DUOX1: variants seen among roughly 807,000 people sequenced by gnomAD.
DUOX1 encodes the protein NADPH thyroid oxidase 1.
In DUOX1, 134 loss-of-function variants were observed where a neutral mutation model predicts 181.8. That is an observed-to-expected ratio of 0.74 (90% CI 0.64 to 0.85). The LOEUF is 0.85. Among genes scored for constraint, DUOX1 ranks in the 40% least tolerant of loss-of-function variants. DUOX1 has a pLI of 0.00. For missense variants in DUOX1, 1,814 were observed against 2,064.4 expected (o/e 0.88, Z 2.35); for synonymous variants, 798 against 832.5 (o/e 0.96, Z 0.71).
intron 21 of DUOX1, among the ~76,000 whole-genome samples, chr15:45,149,227 G>T (rs1244217293): frequency 6.6e-6 from 1 of 152,214 alleles, no homozygotes; most frequent in Non-Finnish European, 1.5e-5. Context: ...ACAGGGAAGA[G>T]GGGCAAGTTA....
chr15:45,140,865 T>C, intron 12 of DUOX1, 30 bp from the exon 13 acceptor site: 1 of 1,609,058 alleles, frequency 6.2e-7, no homozygotes, highest in Non-Finnish European at 8.5e-7. Flanking sequence ...CCGTGTCCTT[T>C]CTCTTACTTC....
At position 45,152,430 on chromosome 15, in the gene DUOX1, G is replaced by A. The variant is rs774381100; in HGVS notation, c.3338G>A (p.Arg1113Gln). The A allele has an allele frequency of 6.2e-7, 1 of 1,614,170 alleles. No homozygotes were observed. The highest frequency in any genetic ancestry group is 8.5e-7 in the Non-Finnish European group (1 of 1,180,024). ...TMCRNLITFLRETFLNRYVPF... is the reference protein window; with the variant it reads ...TMCRNLITFLQETFLNRYVPF... ...TGCCGCAACCTCATCACCTTCCTGC[G>A]AGAAACCTTCCTCAACCGCTACGTG... The change falls in exon 25 of 34, where the codon CGA becomes CAA. Residue 1113 changes from arginine (R) to glutamine (Q), a missense_variant. Physicochemically the swap from Arg to Gln is conservative, Grantham distance 43 (BLOSUM62 1). This residue lies in a region of DUOX1 where 1,064 missense variants were observed against 1,152.9 expected (regional missense o/e 0.92). Transcript: ENST00000389037.
Position 45,151,217 on chromosome 15 carries a change from C to G in DUOX1, c.2983C>G (p.Pro995Ala), listed in dbSNP as rs748344952. The G allele has an allele frequency of 3.1e-6, 5 of 1,614,040 alleles. No individual in the cohort carries two copies. The highest frequency in any genetic ancestry group is 4.2e-6 in the Non-Finnish European group (5 of 1,180,020). ...RLQCPMDTDP[P>A]QEIRRRFGKK... ...GCAGTGCCCCATGGACACAGACCCT[C>G]CCCAGGAGATTCGGCGGAGGTTTGG... The change falls in exon 23 of 34, where the codon CCC (proline) becomes GCC (alanine). Residue 995 changes from proline to alanine, a missense_variant. This residue lies in a region of DUOX1 where 1,064 missense variants were observed against 1,152.9 expected (regional missense o/e 0.92). Transcript: ENST00000389037.
At chr15:45,164,699 G>C in intron 33 of DUOX1, 80 bp from the exon 34 acceptor site, 1 of 1,533,678 alleles carries the variant, frequency 6.5e-7, no homozygotes, top group South Asian at 1.1e-5. Flanking sequence ...TTGAACTAGG[G>C]AGCTACCCCT....
chr15:45,159,938 C>T (rs1194175316), intron 28 of DUOX1, among the ~76,000 whole-genome samples: 7 of 152,036 alleles, frequency 4.6e-5, no homozygotes, highest in Admixed American at 2.6e-4. Flanking sequence ...GCAAATCATT[C>T]GAGGTCAGTT....
rs749714955 is a variant in DUOX1, at chr15:45,131,955, A to G, written c.-12A>G. ...GGGACATTCTAATCCCTGAGCCCCT[A>G]TTATTTTCATCATGGGCTTCTGCCT... is the stretch of plus-strand genomic sequence containing the variant. On this transcript the variant is annotated 5_prime_UTR_variant, in exon 2 of 34. Coordinates refer to ENST00000389037, the MANE Select transcript of DUOX1 (RefSeq NM_175940.3). 1.2e-6 allele frequency: 2 copies of G among 1,613,972 alleles called. No homozygotes were observed. Among genetic ancestry groups the G allele is most frequent in the South Asian group, 2.2e-5 (2 of 91,070 alleles).
At chr15:45,145,142 A>G (rs949750411) in intron 18 of DUOX1, 62 bp downstream of exon 18, 4 of 1,425,528 alleles carry the variant, frequency 2.8e-6, no homozygotes, top group East Asian at 2.4e-5. Flanking sequence ...GCATGAGGCC[A>G]TGGGGTGACT....
chr15:45,137,686 T>C (rs1191171813), intron 9 of DUOX1, among the ~76,000 whole-genome samples: 1 of 151,768 alleles, frequency 6.6e-6, no homozygotes, highest in Non-Finnish European at 1.5e-5. Flanking sequence ...TGAGAGAGAG[T>C]CAGAGAGAGA....
chr15:45,135,768 C>T lies in DUOX1; in HGVS notation c.698-14C>T, dbSNP rs1232137873. 7.0e-7 allele frequency: 1 copy of T among 1,434,802 alleles called. No individual in the cohort carries two copies. The highest frequency in any genetic ancestry group is 2.5e-5 in the Admixed American group (1 of 40,370). The allele number at this position is 1,434,802 out of a possible 1,614,324, so 88.9% of individuals were successfully genotyped here. ...CCGCTCGTCTCCTCCCCTGCGCCCC[C>T]ACGTCGGATGCAGCCTTCGGGGCAG... On this transcript the variant is annotated splice_polypyrimidine_tract_variant and intron_variant, in intron 6 of 33. Transcript: ENST00000389037.
chr15:45,149,212 C>A (rs34378704), intron 21 of DUOX1, among the ~76,000 whole-genome samples: 24,655 of 152,180 alleles, frequency 0.16, 1,977 homozygotes, highest in Middle Eastern at 0.19. Context: ...GGCTGAGCAG[C>A]CTCCACAGGG....
chr15:45,142,252 G>A, intron 15 of DUOX1, 140 bp downstream of exon 15: 2 of 1,028,966 alleles, frequency 1.9e-6, no homozygotes, highest in Non-Finnish European at 2.8e-6. Flanking sequence ...CATTAGAGGA[G>A]GAAGGGACAA....
Position 45,152,437 on chromosome 15 carries a change from C to T in DUOX1, c.3345C>T (p.Thr1115=), listed in dbSNP as rs1896840526. Residue 1115 remains threonine, a synonymous_variant, in exon 25 of 34, where the codon ACC becomes ACT. Transcript: ENST00000389037. Reference sequence around the variant, plus strand: ...ACCTCATCACCTTCCTGCGAGAAACCTTCCTCAACCGCTACGTGCCCTTCG... The same window carrying T: ...ACCTCATCACCTTCCTGCGAGAAACTTTCCTCAACCGCTACGTGCCCTTCG... The part of the protein sequence containing the change: ...CRNLITFLRE[T]FLNRYVPFDA... 6 of 1,614,114 alleles carry T rather than the reference C, an allele frequency of 3.7e-6. No individual in the cohort carries two copies. The highest frequency in any genetic ancestry group is 5.1e-6 in the Non-Finnish European group (6 of 1,180,044).
rs2141309476 is a variant in DUOX1, at chr15:45,161,728, C to G, written c.3857-10C>G. On this transcript the variant is annotated splice_polypyrimidine_tract_variant and intron_variant, in intron 29 of 33. Transcript: ENST00000389037. Reference sequence around the variant, plus strand: ...AGGGCAGCAGCTTCTCACCCACCATCCCTCCCCAGGAGTGACCCACCTGCG... The same window carrying G: ...AGGGCAGCAGCTTCTCACCCACCATGCCTCCCCAGGAGTGACCCACCTGCG... 1.2e-6 allele frequency: 2 copies of G among 1,612,318 alleles called. No homozygotes were observed. The highest frequency in any genetic ancestry group is 4.5e-5 in the East Asian group (2 of 44,854).
chr15:45,152,515 A>C lies in DUOX1; in HGVS notation c.3423A>C (p.Thr1141=). 1.2e-6 allele frequency: 2 copies of C among 1,613,666 alleles called. No homozygotes were observed. The highest frequency in any genetic ancestry group is 1.7e-5 in the Admixed American group (1 of 60,006). ...RLIASTAIVL[T]VLHSVGHVVN... ...TTGCCTCCACCGCCATCGTCCTCAC[A>C]GGCAGGGCCTGGGTGTCCCTGGGAG... The change falls in exon 25 of 34, where the codon ACA becomes ACC. Residue 1141 remains threonine, a splice_region_variant and synonymous_variant. Coordinates refer to ENST00000389037, the MANE Select transcript of DUOX1 (RefSeq NM_175940.3).
At chr15:45,137,842 T>C in intron 9 of DUOX1, 82 bp from the exon 10 acceptor site, 1 of 1,123,926 alleles carries the variant, frequency 8.9e-7, no homozygotes, top group Non-Finnish European at 1.3e-6. Context: ...GGTCCCTGGA[T>C]ACCGCCTCAG....
chr15:45,163,777 T>C lies in DUOX1; in HGVS notation c.4405-13T>C. The C allele has an allele frequency of 6.2e-7, 1 of 1,613,956 alleles. No homozygotes were observed. The highest frequency in any genetic ancestry group is 1.3e-5 in the African/African-American group (1 of 75,038). On this transcript the variant is annotated splice_polypyrimidine_tract_variant and intron_variant, in intron 32 of 33. Transcript: ENST00000389037. ...TGCCTGGCTGAACTTTGTTCCACCC[T>C]TCCCTACCATAGTACATCTGTGAGC...
At chr15:45,135,698 G>C in intron 6 of DUOX1, 23 bp downstream of exon 6, 1 of 1,446,442 alleles carries the variant, frequency 6.9e-7, no homozygotes, top group Non-Finnish European at 9.1e-7. Flanking sequence ...GGGCGGGACG[G>C]GGCCGGCTGG....
Position 45,141,075 on chromosome 15 carries a change from G to A in DUOX1, c.1565+5G>A. 6.2e-7 allele frequency: 1 copy of A among 1,614,232 alleles called. No individual in the cohort carries two copies. ...GTTTGAGAACACCAGGAATGGGTAAGGCGTGCTGGGCCTCCGCCTCAGGCT... is the reference window on the plus strand; with the variant it reads ...GTTTGAGAACACCAGGAATGGGTAAAGCGTGCTGGGCCTCCGCCTCAGGCT... On this transcript the variant is annotated splice_donor_5th_base_variant and intron_variant, in intron 13 of 33. Transcript: ENST00000389037.
chr15:45,139,973 G>A, intron 12 of DUOX1: 1 of 885,326 alleles, frequency 1.1e-6, no homozygotes, highest in Non-Finnish European at 1.7e-6. Context: ...GGAGTCAGCT[G>A]TTACACCCTG....
Sources: allele counts gnomAD v4.1 joint callset (sites outside exome capture counted in the v4.1 genomes callset), GRCh38; gene constraint gnomAD v4.1.1; regional missense constraint gnomAD v4.1.1; transcripts MANE v1.5; gene names NCBI Gene and HGNC (gene_info 2026-07-23, HGNC 2026-07-21).